FARP1: variants seen among roughly 807,000 people sequenced by gnomAD.
FARP1 encodes the protein FERM, ARHGEF and pleckstrin domain-containing protein 1.
In FARP1, 52 loss-of-function variants were observed where a neutral mutation model predicts 128.8. The ratio of observed to expected loss-of-function variants is 0.40; its 90% confidence interval spans 0.32 to 0.51. The LOEUF (loss-of-function observed/expected upper bound fraction) is 0.51. Among genes scored for constraint, FARP1 ranks in the 20% least tolerant of loss-of-function variants. FARP1 has a pLI of 0.45. For synonymous variants in FARP1, 580 were observed against 551.8 expected, an observed-to-expected ratio of 1.05 and a Z score of -0.72; for missense variants, 1,333 against 1,367.9, an observed-to-expected ratio of 0.97 and a Z score of 0.40.
At chr13:98,312,854 G>A (rs1379469209) in intron 2 of FARP1, among the ~76,000 whole-genome samples, 1 of 152,100 alleles carries the variant, frequency 6.6e-6, no homozygotes, top group Non-Finnish European at 1.5e-5. Flanking sequence ...TGGCTTACCC[G>A]AGGTCTTTAC....
intron 1 of FARP1, among the ~76,000 whole-genome samples, chr13:98,198,084 C>T (rs1331890667): frequency 6.6e-6 from 1 of 152,076 alleles, no homozygotes; most frequent in Non-Finnish European, 1.5e-5. Flanking sequence ...TTTATTAAGT[C>T]CTGTCATTTT....
At chr13:98,253,807 T>C (rs566925986) in intron 2 of FARP1, among the ~76,000 whole-genome samples, 1 of 152,154 alleles carries the variant, frequency 6.6e-6, no homozygotes, top group Admixed American at 6.5e-5. Context: ...GGCCATGTGG[T>C]TAGTTTTAGG....
intron 1 of FARP1, among the ~76,000 whole-genome samples, chr13:98,158,098 T>C (rs1269548559): frequency 6.6e-6 from 1 of 152,256 alleles, no homozygotes; most frequent in African/African-American, 2.4e-5. Context: ...ACGGTTTTCT[T>C]TGCATGAGAT....
At chr13:98,435,749 AAGG>A (rs1892237769) in intron 19 of FARP1, 43 bp downstream of exon 19, 1 of 1,607,814 alleles carries the variant, frequency 6.2e-7, no homozygotes, top group African/African-American at 1.3e-5. Flanking sequence ...GGGGAGCAGA[AAGG>A]AGGCATCGGA....
intron 2 of FARP1, among the ~76,000 whole-genome samples, chr13:98,308,190 G>C (rs16955294): frequency 0.027 from 4,105 of 151,908 alleles, 181 homozygotes; most frequent in African/African-American, 0.095. Flanking sequence ...ATTTGACTTT[G>C]TTTACGTGGT....
At chr13:98,403,337 A>G (rs541301203) in intron 13 of FARP1, 2 of 152,396 alleles carry the variant, frequency 1.3e-5, no homozygotes, top group East Asian at 1.9e-4. Context: ...GAGCAGGATC[A>G]CTGTAGCTAG....
intron 24 of FARP1, chr13:98,445,827 T>G: frequency 2.7e-6 from 1 of 375,786 alleles, no homozygotes; most frequent in Non-Finnish European, 4.9e-6. Context: ...TAAGCCTGTG[T>G]TCTAAGGTAC....
intron 6 of FARP1, among the ~76,000 whole-genome samples, chr13:98,380,827 C>T (rs1238133977): frequency 6.6e-6 from 1 of 152,140 alleles, no homozygotes; most frequent in Non-Finnish European, 1.5e-5. Context: ...GATCTTCCCA[C>T]CTTGGCCTCA....
chr13:98,389,724 G>C (rs1890234655), intron 9 of FARP1: 1 of 410,208 alleles, frequency 2.4e-6, no homozygotes, highest in Non-Finnish European at 4.3e-6. Context: ...CCACGTGGCT[G>C]TTTCTGTTAC....
intron 16 of FARP1, 55 bp downstream of exon 16, chr13:98,412,089 T>C (rs1215068999): frequency 3.2e-6 from 5 of 1,571,994 alleles, no homozygotes; most frequent in African/African-American, 1.4e-5. Flanking sequence ...GCTTGTGTTA[T>C]TTTTATGTCG....
At chr13:98,342,829 A>G (rs1292240371) in intron 2 of FARP1, among the ~76,000 whole-genome samples, 4 of 152,132 alleles carry the variant, frequency 2.6e-5, no homozygotes, top group African/African-American at 9.7e-5. Flanking sequence ...GTTTGAGACC[A>G]GCTTGACCAA....
At position 98,176,975 on chromosome 13, in the gene FARP1, C is replaced by T; in HGVS notation, c.-24+33483C>T. The T allele has an allele frequency of 6.2e-7, 1 of 1,600,228 alleles. No homozygotes were observed. The highest frequency in any genetic ancestry group is 2.2e-5 in the East Asian group (1 of 44,832). On this transcript the variant is annotated intron_variant, in intron 1 of 26. Transcript: ENST00000319562. This position sits in a 1 kb window ranked among gnomAD's most constrained non-coding sequence, Gnocchi z 6.2. The stretch of plus-strand genomic sequence containing the variant: ...GACCTGTACACCACGTCGAGGCTCT[C>T]AGGCGCCGCCTCCTCGCCCCTCCTG...
chr13:98,285,339 C>A (rs1033548504), intron 2 of FARP1, among the ~76,000 whole-genome samples: 1 of 152,132 alleles, frequency 6.6e-6, no homozygotes, highest in Non-Finnish European at 1.5e-5. Context: ...TGTGTTTTCT[C>A]GTCATGAATG....
chr13:98,236,983 C>T (rs1214083907), intron 2 of FARP1, among the ~76,000 whole-genome samples: 2 of 149,938 alleles, frequency 1.3e-5, no homozygotes, highest in African/African-American at 4.9e-5. Flanking sequence ...CAGAGCAAGA[C>T]TCTGTCTCAG....
chr13:98,207,021 T>G (rs1880314487), intron 1 of FARP1, among the ~76,000 whole-genome samples: 1 of 152,228 alleles, frequency 6.6e-6, no homozygotes, highest in African/African-American at 2.4e-5. Context: ...ATTTTATTAC[T>G]GGGCTTACCA....
intron 2 of FARP1, among the ~76,000 whole-genome samples, chr13:98,306,546 A>T (rs1886169313): frequency 6.6e-6 from 1 of 150,894 alleles, no homozygotes; most frequent in Non-Finnish European, 1.5e-5. Flanking sequence ...AAAGGATCTC[A>T]CTCTGTTGCC....
intron 21 of FARP1, 27 bp from the exon 22 acceptor site, chr13:98,439,933 TG>T: frequency 6.7e-7 from 1 of 1,485,782 alleles, no homozygotes; most frequent in Non-Finnish European, 9.1e-7. Context: ...ACGTGCCTCA[TG>T]GTGACGTTAT....
chr13:98,438,653 G>T, intron 19 of FARP1, 151 bp from the exon 20 acceptor site: 1 of 636,070 alleles, frequency 1.6e-6, no homozygotes, highest in South Asian at 1.9e-5. Flanking sequence ...GAAGCCAGTA[G>T]GTTTGCACGC....
chr13:98,366,743 G>A (rs548968477), intron 4 of FARP1, among the ~76,000 whole-genome samples: 2 of 152,304 alleles, frequency 1.3e-5, no homozygotes, highest in Admixed American at 1.3e-4. Context: ...AGAATAAGTG[G>A]TGCAGCCTTC....
Sources: gnomAD v4.1 joint callset for allele counts (sites outside exome capture counted in the v4.1 genomes callset) on GRCh38, gnomAD v4.1.1 for gene constraint, Gnocchi (gnomAD v3.1) non-coding constraint, MANE v1.5 for transcripts, NCBI Gene and HGNC (gene_info 2026-07-23, HGNC 2026-07-21) for gene names.